Variants in CHST10 observed in about 807,000 individuals in gnomAD.
CHST10 encodes the protein HNK-1 sulfotransferase.
In CHST10, 24 loss-of-function variants were observed where a neutral mutation model predicts 34.7. The ratio of observed to expected loss-of-function variants is 0.69; its 90% CI spans 0.50 to 0.97. CHST10 has a LOEUF of 0.97. CHST10 is among the 50% of genes least tolerant of loss of function. The pLI, the probability that CHST10 is intolerant of heterozygous loss-of-function variation, is 0.00. For missense variants in CHST10, 402 were observed against 452.1 expected, an observed-to-expected ratio of 0.89 and a Z score of 1.00; for synonymous variants, 161 against 169.3, an observed-to-expected ratio of 0.95 and a Z score of 0.38.
Position 100,393,339 on chromosome 2 carries a change from C to T in CHST10, c.977G>A (p.Gly326Asp). ...NRTKVEHYFL[G>D]ISKRDIRRLY... Reference sequence around the variant, plus strand: ...GCGTCGGATGTCTCGTTTGCTGATGCCCAGGAAATAGTGCTCCACCTTGGT... The same window carrying T: ...GCGTCGGATGTCTCGTTTGCTGATGTCCAGGAAATAGTGCTCCACCTTGGT... The change falls in exon 7 of 7, where the codon GGC becomes GAC. Residue 326 changes from glycine (G) to aspartate (D), a missense_variant. By Grantham distance (94) the Gly-to-Asp change is moderately conservative. Transcript: ENST00000264249. 1 of 1,614,166 alleles carries T rather than the reference C, an allele frequency of 6.2e-7. No homozygotes were observed. Among genetic ancestry groups the T allele is most frequent in the Non-Finnish European group, 8.5e-7 (1 of 1,180,032 alleles).
chr2:100,402,533 A>T, intron 4 of CHST10, 31 bp downstream of exon 4: 1 of 1,588,254 alleles, frequency 6.3e-7, no homozygotes, highest in Non-Finnish European at 8.6e-7. Flanking sequence ...CGTGTTCAAG[A>T]GGACAAGGAC....
chr2:100,401,254 T>C (rs2104343731), intron 4 of CHST10, among the ~76,000 whole-genome samples: 1 of 152,330 alleles, frequency 6.6e-6, no homozygotes, highest in Non-Finnish European at 1.5e-5. Context: ...CACAGTTCCT[T>C]GAGCCTCATG....
intron 1 of CHST10, 27 bp from the exon 2 acceptor site, chr2:100,415,138 AGC>A: frequency 4.2e-6 from 5 of 1,203,438 alleles, no homozygotes; most frequent in Non-Finnish European, 5.5e-6. Flanking sequence ...AAAAAAAAAA[AGC>A]ATTATTAAAA....
chr2:100,407,826 C>G (rs1173788511), intron 2 of CHST10: 9 of 152,156 alleles, frequency 5.9e-5, no homozygotes, highest in African/African-American at 2.2e-4. Flanking sequence ...CCGGATGGCT[C>G]GCAAACCACC....
intron 1 of CHST10, chr2:100,416,138 A>T (rs769107527): frequency 6.6e-6 from 1 of 152,206 alleles, no homozygotes; most frequent in Non-Finnish European, 1.5e-5. Flanking sequence ...AGTGTATGAA[A>T]AGAAAATGAA....
chr2:100,405,910 T>C (rs1409279975), intron 3 of CHST10, among the ~76,000 whole-genome samples: 2 of 152,198 alleles, frequency 1.3e-5, no homozygotes, highest in Admixed American at 1.3e-4. Context: ...CACCTCACCA[T>C]GCTCAGGGCA....
intron 2 of CHST10, among the ~76,000 whole-genome samples, chr2:100,413,856 T>C (rs1347155414): frequency 1.3e-5 from 2 of 152,186 alleles, no homozygotes; most frequent in African/African-American, 4.8e-5. Flanking sequence ...AGTCCCATGG[T>C]AAATAAGCCC....
chr2:100,396,899 G>T (rs1043742241), intron 5 of CHST10, among the ~76,000 whole-genome samples: 42 of 152,168 alleles, frequency 2.8e-4, no homozygotes, highest in African/African-American at 1.0e-3. Flanking sequence ...TCGATTTGCA[G>T]CCTCATTCTG....
intron 2 of CHST10, among the ~76,000 whole-genome samples, chr2:100,410,549 A>T (rs1164336153): frequency 2.6e-5 from 4 of 152,208 alleles, no homozygotes; most frequent in Middle Eastern, 3.2e-3. Flanking sequence ...GTGGAAAGGT[A>T]CTTCAGGAGG....
intron 2 of CHST10, among the ~76,000 whole-genome samples, chr2:100,414,109 G>A (rs1675963458): frequency 6.6e-6 from 1 of 152,146 alleles, no homozygotes; most frequent in South Asian, 2.1e-4. Flanking sequence ...GCAGGATGTT[G>A]AGAAAAGGCA....
At position 100,393,330 on chromosome 2, in the gene CHST10, TTGCTGA is replaced by T. The variant is rs773493400; in HGVS notation, c.980_985del (p.Ile327_Ser328del). 1 of 1,614,216 alleles carries T rather than the reference TTGCTGA, an allele frequency of 6.2e-7. No individual in the cohort carries two copies. Among genetic ancestry groups the T allele is most frequent in the South Asian group, 1.1e-5 (1 of 91,078 alleles). ...GGCATACAGGCGTCGGATGTCTCGTTTGCTGATGCCCAGGAAATAGTGCTCCACCTT... is the reference window on the plus strand; with the variant it reads ...GGCATACAGGCGTCGGATGTCTCGTTTGCCCAGGAAATAGTGCTCCACCTT... On this transcript the variant is annotated inframe_deletion, in exon 7 of 7. Transcript: ENST00000264249.
At chr2:100,397,786 G>A (rs948144459) in intron 5 of CHST10, 122 bp downstream of exon 5, 6 of 731,904 alleles carry the variant, frequency 8.2e-6, no homozygotes, top group Non-Finnish European at 9.1e-6. Context: ...CTGTCTGGAC[G>A]GCCACCAGTC....
chr2:100,407,244 C>T (rs760011947), intron 2 of CHST10, among the ~76,000 whole-genome samples: 3 of 152,214 alleles, frequency 2.0e-5, no homozygotes, highest in South Asian at 2.1e-4. Flanking sequence ...TGACGCTTCT[C>T]GCCTCCGCCC....
At chr2:100,409,903 TA>T (rs1342824212) in intron 2 of CHST10, among the ~76,000 whole-genome samples, 3 of 152,208 alleles carry the variant, frequency 2.0e-5, no homozygotes, top group African/African-American at 7.2e-5. Flanking sequence ...TCCATTAGGA[TA>T]GGAGAAGGGT....
At chr2:100,416,444 A>C (rs1676072830) in intron 1 of CHST10, 1 of 152,690 alleles carries the variant, frequency 6.5e-6, no homozygotes, top group African/African-American at 2.4e-5. Flanking sequence ...CTGAGCCAAG[A>C]TGGACTAAGC....
chr2:100,393,242 G>A lies in CHST10; in HGVS notation c.*3C>T, dbSNP rs1048876257. ...AGATATTTGAATTCATAGGTCTTATGCATTAGTTTAGCAAAAAGTCTGGTT... is the reference window on the plus strand; with the variant it reads ...AGATATTTGAATTCATAGGTCTTATACATTAGTTTAGCAAAAAGTCTGGTT... On this transcript the variant is annotated 3_prime_UTR_variant, in exon 7 of 7. Coordinates refer to ENST00000264249, the MANE Select transcript of CHST10 (RefSeq NM_004854.5). 1.9e-6 allele frequency: 3 copies of A among 1,613,774 alleles called. No individual in the cohort carries two copies. Among genetic ancestry groups the A allele is most frequent in the African/African-American group, 2.7e-5 (2 of 74,864 alleles).
At chr2:100,400,320 G>A (rs996630872) in intron 4 of CHST10, among the ~76,000 whole-genome samples, 2 of 151,958 alleles carry the variant, frequency 1.3e-5, no homozygotes, top group African/African-American at 4.8e-5. Flanking sequence ...ACTCACTATA[G>A]CCTCCAACTC....
intron 3 of CHST10, among the ~76,000 whole-genome samples, chr2:100,403,844 C>T (rs139779985): frequency 2.0e-3 from 305 of 152,312 alleles, no homozygotes; most frequent in Non-Finnish European, 3.0e-3. Flanking sequence ...ATGTGAGAAG[C>T]CCTTTATGGC....
intron 2 of CHST10, among the ~76,000 whole-genome samples, chr2:100,409,046 G>A (rs919585023): frequency 2.0e-5 from 3 of 152,068 alleles, no homozygotes; most frequent in Admixed American, 1.3e-4. Context: ...AGGGAACAAC[G>A]ATAAGAGGCA....
Sources: gnomAD v4.1 joint callset for allele counts (sites outside exome capture counted in the v4.1 genomes callset) on GRCh38, gnomAD v4.1.1 for gene constraint, MANE v1.5 for transcripts, NCBI Gene and HGNC (gene_info 2026-07-23, HGNC 2026-07-21) for gene names.